The following RAB7A variants were observed in gnomAD, a reference collection of about 807,000 sequenced individuals.
The protein encoded by RAB7A is ras-related protein Rab-7a.
RAB7A carries 2 observed loss-of-function variants against 24.5 expected under a neutral mutation model. The ratio of observed to expected loss-of-function variants is 0.08; its 90% CI spans 0.03 to 0.26. RAB7A has a LOEUF of 0.26. Ranked by LOEUF, RAB7A falls within the 10% of genes least tolerant of loss-of-function variation. The pLI is 1.00. For synonymous variants in RAB7A, 100 were observed against 95.9 expected, an observed-to-expected ratio of 1.04 and a Z score of -0.25; for missense variants, 118 against 255.7, an observed-to-expected ratio of 0.46 and a Z score of 3.67.
chr3:128,752,439 T>TA (rs919078509), intron 1 of RAB7A, among the ~76,000 whole-genome samples: 2 of 147,594 alleles, frequency 1.4e-5, no homozygotes, highest in Non-Finnish European at 3.0e-5. Context: ...AAAAAGGAAA[T>TA]AAAAAAATGA....
intron 1 of RAB7A, among the ~76,000 whole-genome samples, chr3:128,763,766 TGTTTA>T (rs2070797981): frequency 1.3e-5 from 2 of 152,122 alleles, no homozygotes; most frequent in African/African-American, 4.8e-5. Context: ...TCACTGGTGA[TGTTTA>T]CCTGAATCCC....
Position 128,813,680 on chromosome 3 carries a change from A to G in RAB7A, c.*258A>G. On this transcript the variant is annotated 3_prime_UTR_variant, in exon 6 of 6. Transcript: ENST00000265062. ...ATGGCTCCTTGGGGTCTGCCTGCCC[A>G]CCCACATGAGCCCGCGAGTATGGCA... is the stretch of plus-strand genomic sequence containing the variant. 1 of 526,058 alleles carries G rather than the reference A, an allele frequency of 1.9e-6. No homozygotes were observed. Among genetic ancestry groups the G allele is most frequent in the South Asian group, 1.9e-5 (1 of 52,086 alleles). The allele number at this position is 526,058 out of a possible 1,614,324, so 32.6% of individuals were successfully genotyped here. A position where few individuals can be genotyped will look rare whatever the true frequency, so the allele number is the denominator to read the frequency against.
At chr3:128,798,253 C>G (rs938224654) in intron 3 of RAB7A, 184 bp downstream of exon 3, 5 of 647,534 alleles carry the variant, frequency 7.7e-6, no homozygotes, top group South Asian at 3.8e-5. Context: ...TAGTATACTT[C>G]TAGTGTATCT....
chr3:128,797,915 T>C, intron 2 of RAB7A, 28 bp from the exon 3 acceptor site: 1 of 1,611,398 alleles, frequency 6.2e-7, no homozygotes, highest in Non-Finnish European at 8.5e-7. Flanking sequence ...CTATTTGACT[T>C]ATACTTATGG....
At chr3:128,739,188 C>T (rs1380385728) in intron 1 of RAB7A, among the ~76,000 whole-genome samples, 7 of 152,064 alleles carry the variant, frequency 4.6e-5, no homozygotes, top group Admixed American at 2.6e-4. Flanking sequence ...AATGTGTACT[C>T]GTTTCTAAAT....
intron 1 of RAB7A, among the ~76,000 whole-genome samples, chr3:128,731,880 C>CTGTAG (rs917141710): frequency 2.6e-5 from 4 of 151,482 alleles, no homozygotes; most frequent in African/African-American, 4.8e-5. Context: ...GTGGCATGCA[C>CTGTAG]TGTAGTCCCA....
Position 128,810,683 on chromosome 3 carries a change from A to G in RAB7A, c.529-2644A>G, listed in dbSNP as rs187803047. On this transcript the variant is annotated intron_variant, in intron 5 of 5. Coordinates refer to ENST00000265062, the MANE Select transcript of RAB7A (RefSeq NM_004637.6). ...GGTCCCCATCCTGCAACCTCATTTA[A>G]CCTTCATTCCTTCCTTACTCCAAAT... 1.1e-4 allele frequency among the ~76,000 whole-genome samples: 17 copies of G among 152,230 alleles called. 1 individual carries two copies. The East Asian group carries it at 3.3e-3, about 29-fold the overall frequency.
Position 128,809,936 on chromosome 3 carries a change from C to CTTTTTTTTTTT in RAB7A, c.528+2285_528+2295dup, listed in dbSNP as rs869119619. ...GAGGCAAGTTTCCTCTTGCCACAGTCTTTTTTTTTTTTTTTTTTTTTTTTT... is the reference window on the plus strand; with the variant it reads ...GAGGCAAGTTTCCTCTTGCCACAGTCTTTTTTTTTTTTTTTTTTTTTTTTTTTTTTTTTTTT... On this transcript the variant is annotated intron_variant, in intron 5 of 5. Transcript: ENST00000265062. Among the ~76,000 whole-genome samples, 271 of 52,248 alleles carry CTTTTTTTTTTT rather than the reference C, an allele frequency of 5.2e-3. 77 individuals carry two copies. The highest frequency in any genetic ancestry group is 7.9e-3 in the African/African-American group (93 of 11,836). The allele number at this position is 52,248 out of a possible 152,430, so 34.3% of individuals were successfully genotyped here.
At chr3:128,765,453 C>T (rs1242074928) in intron 1 of RAB7A, among the ~76,000 whole-genome samples, 3 of 152,206 alleles carry the variant, frequency 2.0e-5, no homozygotes, top group Non-Finnish European at 1.5e-5. Flanking sequence ...AAATCCCTTA[C>T]ATCTTCAGTT....
chr3:128,807,423 A>G (rs1933828081), intron 4 of RAB7A, 120 bp from the exon 5 acceptor site: 3 of 1,456,710 alleles, frequency 2.1e-6, no homozygotes, highest in East Asian at 2.3e-5. Flanking sequence ...CTCTTTCCCC[A>G]TGTCTGTGTC....
intron 1 of RAB7A, among the ~76,000 whole-genome samples, chr3:128,751,584 T>A (rs1224228612): frequency 1.3e-5 from 2 of 152,234 alleles, no homozygotes; most frequent in African/African-American, 4.8e-5. Flanking sequence ...AGCTTAGAAG[T>A]AACTAACTTG....
intron 5 of RAB7A, among the ~76,000 whole-genome samples, chr3:128,812,433 A>T (rs1286354240): frequency 1.3e-5 from 2 of 152,160 alleles, no homozygotes; most frequent in African/African-American, 4.8e-5. Flanking sequence ...TATTTTTTTA[A>T]GTATGTATTC....
At chr3:128,744,360 CAGAA>C (rs1335994219) in intron 1 of RAB7A, among the ~76,000 whole-genome samples, 1 of 152,216 alleles carries the variant, frequency 6.6e-6, no homozygotes, top group Non-Finnish European at 1.5e-5. Context: ...TTTGGGCAGA[CAGAA>C]AGGCCCATAC....
chr3:128,793,685 C>G (rs2107610273), intron 1 of RAB7A, among the ~76,000 whole-genome samples: 1 of 152,276 alleles, frequency 6.6e-6, no homozygotes, highest in Middle Eastern at 3.4e-3. Context: ...TAGTGGGGCT[C>G]CACATATAAT....
chr3:128,764,313 A>C (rs1418253278), intron 1 of RAB7A, among the ~76,000 whole-genome samples: 1 of 151,958 alleles, frequency 6.6e-6, no homozygotes, highest in South Asian at 2.1e-4. Flanking sequence ...TTTGGTACCA[A>C]ATTTCTTTAT....
chr3:128,748,027 C>T (rs907257120), intron 1 of RAB7A, among the ~76,000 whole-genome samples: 5 of 152,310 alleles, frequency 3.3e-5, no homozygotes, highest in Admixed American at 3.3e-4. Flanking sequence ...CTCTGCCTCC[C>T]AAAGTGCTGG....
rs190592868 is a variant in RAB7A at position 128,810,641 on chromosome 3, C to G, written c.529-2686C>G. Among the ~76,000 whole-genome samples the G allele has an allele frequency of 5.1e-4, 77 of 151,558 alleles. 1 individual carries two copies. In the East Asian group the frequency reaches 0.012, roughly 23 times the overall value. On this transcript the variant is annotated intron_variant, in intron 5 of 5. Coordinates refer to ENST00000265062, the MANE Select transcript of RAB7A (RefSeq NM_004637.6). ...CTGGTGTCACCTCTTCTTATAAGGACACGAATTCTCAGATCAGGTCCCCAT... is the reference window on the plus strand; with the variant it reads ...CTGGTGTCACCTCTTCTTATAAGGAGACGAATTCTCAGATCAGGTCCCCAT...
At chr3:128,782,949 T>G (rs1017512191) in intron 1 of RAB7A, among the ~76,000 whole-genome samples, 1 of 152,126 alleles carries the variant, frequency 6.6e-6, no homozygotes. Context: ...AGTCTTCATT[T>G]GAGTAAGAGA....
intron 1 of RAB7A, among the ~76,000 whole-genome samples, chr3:128,782,565 A>G (rs1414260313): frequency 4.6e-5 from 7 of 151,026 alleles, no homozygotes; most frequent in Non-Finnish European, 1.0e-4. Flanking sequence ...GTACCTTCTG[A>G]TACTTAGCCA....
Sources: gnomAD v4.1 joint callset for allele counts (sites outside exome capture counted in the v4.1 genomes callset) on GRCh38, gnomAD v4.1.1 for gene constraint, MANE v1.5 for transcripts, NCBI Gene and HGNC (gene_info 2026-07-23, HGNC 2026-07-21) for gene names.